MAF: variants seen among roughly 807,000 people sequenced by gnomAD.
The protein encoded by MAF is MAF bZIP transcription factor, also known as transcription factor Maf.
A neutral mutation model predicts 22.0 loss-of-function variants in MAF; 10 were observed. The ratio of observed to expected loss-of-function variants is 0.45; its 90% CI spans 0.28 to 0.77. MAF has a LOEUF of 0.77. MAF is among the 30% of genes least tolerant of loss of function. The pLI is 0.12. For missense variants in MAF, 544 were observed against 548.4 expected, an observed-to-expected ratio of 0.99 and a Z score of 0.08; for synonymous variants, 337 against 255.8, an observed-to-expected ratio of 1.32 and a Z score of -3.03.
the MAF span, chr16:79,206,051 C>G: frequency 2.0e-5 from 3 of 152,140 alleles, no homozygotes; most frequent in Non-Finnish European, 2.9e-5. Flanking sequence ...GTTGGATCAT[C>G]GAAGGGGGTG....
chr16:79,408,267 C>A, the MAF span, among the ~76,000 whole-genome samples: 1 of 151,932 alleles, frequency 6.6e-6, no homozygotes, highest in Non-Finnish European at 1.5e-5. Flanking sequence ...ACTGCCACCT[C>A]CCGGGTTTAA....
At chr16:79,454,336 G>A in the MAF span, among the ~76,000 whole-genome samples, 2 of 152,208 alleles carry the variant, frequency 1.3e-5, no homozygotes, top group Admixed American at 6.5e-5. Flanking sequence ...AAGAGAGAGG[G>A]CCCTGCAGAG....
At chr16:79,279,313 A>G in the MAF span, among the ~76,000 whole-genome samples, 1 of 152,274 alleles carries the variant, frequency 6.6e-6, no homozygotes, top group Admixed American at 6.5e-5. Flanking sequence ...TCTTTTGGAA[A>G]GTGGGAATGA....
chr16:79,463,900 C>G, the MAF span, among the ~76,000 whole-genome samples: 2 of 148,234 alleles, frequency 1.3e-5, no homozygotes, highest in Non-Finnish European at 3.0e-5. Flanking sequence ...CACCCTAAAA[C>G]AAATGGAAAC....
At chr16:79,479,799 C>T in the MAF span, among the ~76,000 whole-genome samples, 251 of 152,332 alleles carry the variant, frequency 1.6e-3, 5 homozygotes, top group East Asian at 0.045. Context: ...ATCTTGTTGG[C>T]ATTGTTGACC....
At chr16:79,286,391 T>A in the MAF span, among the ~76,000 whole-genome samples, 1 of 152,204 alleles carries the variant, frequency 6.6e-6, no homozygotes, top group Non-Finnish European at 1.5e-5. Flanking sequence ...GGTCACCTGA[T>A]ATTGAAAAGT....
the MAF span, among the ~76,000 whole-genome samples, chr16:79,407,049 C>T: frequency 2.0e-5 from 3 of 152,186 alleles, no homozygotes; most frequent in Non-Finnish European, 4.4e-5. Flanking sequence ...CCGATTTGCT[C>T]AGCCCACTTC....
chr16:79,529,554 G>A, the MAF span, among the ~76,000 whole-genome samples: 2 of 152,152 alleles, frequency 1.3e-5, no homozygotes, highest in Admixed American at 6.5e-5. Context: ...ATATCTCAGA[G>A]GGTGTTTTGG....
At chr16:79,322,765 G>C in the MAF span, among the ~76,000 whole-genome samples, 1 of 152,014 alleles carries the variant, frequency 6.6e-6, no homozygotes, top group African/African-American at 2.4e-5. Flanking sequence ...TCAGAGGTGA[G>C]AGGCCAGTGG....
the MAF span, among the ~76,000 whole-genome samples, chr16:79,563,534 C>A: frequency 6.7e-6 from 1 of 150,296 alleles, no homozygotes; most frequent in South Asian, 2.1e-4. Flanking sequence ...TGTGAAATAT[C>A]TCAGTAATAC....
the MAF span, among the ~76,000 whole-genome samples, chr16:79,514,673 T>C: frequency 6.6e-6 from 1 of 152,170 alleles, no homozygotes; most frequent in African/African-American, 2.4e-5. Context: ...CCTGTCTACC[T>C]CTACAGACCC....
the MAF span, among the ~76,000 whole-genome samples, chr16:79,219,154 T>C: frequency 1.3e-5 from 2 of 152,166 alleles, no homozygotes; most frequent in Admixed American, 6.5e-5. Context: ...GTTACGCAAA[T>C]AGAGGCTCTC....
the MAF span, among the ~76,000 whole-genome samples, chr16:79,530,355 G>C: frequency 6.6e-6 from 1 of 152,052 alleles, no homozygotes; most frequent in Non-Finnish European, 1.5e-5. Context: ...AACACATCAG[G>C]GTCCCAAAGT....
the MAF span, among the ~76,000 whole-genome samples, chr16:79,457,730 G>T: frequency 2.0e-5 from 3 of 152,116 alleles, no homozygotes; most frequent in Non-Finnish European, 4.4e-5. Context: ...CCTCAAATGA[G>T]GATTAAGCTT....
the MAF span, among the ~76,000 whole-genome samples, chr16:79,283,359 G>C: frequency 3.9e-5 from 6 of 152,156 alleles, no homozygotes; most frequent in Non-Finnish European, 8.8e-5. Flanking sequence ...TACACTTTGG[G>C]CTAGAATTTG....
At chr16:79,441,891 A>G in the MAF span, among the ~76,000 whole-genome samples, 2 of 152,232 alleles carry the variant, frequency 1.3e-5, no homozygotes, top group East Asian at 3.8e-4. Context: ...TGGGCCTTAA[A>G]TCCGATGACG....
At chr16:79,567,676 G>A in the MAF span, among the ~76,000 whole-genome samples, 1 of 152,188 alleles carries the variant, frequency 6.6e-6, no homozygotes, top group African/African-American at 2.4e-5. Flanking sequence ...GGCCTTGCTG[G>A]GTATCTCCTC....
chr16:79,424,291 A>C, the MAF span, among the ~76,000 whole-genome samples: 1 of 152,174 alleles, frequency 6.6e-6, no homozygotes, highest in Non-Finnish European at 1.5e-5. Context: ...TAAGAAACAG[A>C]AACAAAGTGA....
At chr16:79,408,078 C>CAAAAAA in the MAF span, among the ~76,000 whole-genome samples, 2,961 of 81,022 alleles carry the variant, frequency 0.037, 178 homozygotes, top group Middle Eastern at 0.078. Flanking sequence ...TTTTACCTTT[C>CAAAAAA]AAAAAAAAAA....
Sources: gnomAD v4.1 joint callset for allele counts (sites outside exome capture counted in the v4.1 genomes callset) on GRCh38, gnomAD v4.1.1 for gene constraint, MANE v1.5 for transcripts, NCBI Gene and HGNC (gene_info 2026-07-23, HGNC 2026-07-21) for gene names.